Variants in ZXDC observed in about 807,000 individuals in gnomAD.
ZXDC encodes the protein zinc finger protein ZXDC.
In ZXDC, 58 loss-of-function variants were observed where a neutral mutation model predicts 63.6. That is an observed-to-expected ratio of 0.91 (90% confidence interval 0.74 to 1.13). The LOEUF is 1.13. ZXDC is among the 50% of genes most tolerant of loss of function. The pLI, the probability that ZXDC is intolerant of heterozygous loss-of-function variation, is 0.00. For missense variants in ZXDC, 1,133 were observed against 1,148.9 expected (o/e 0.99, Z 0.20); for synonymous variants, 561 against 496.1 (o/e 1.13, Z -1.74).
intron 7 of ZXDC, among the ~76,000 whole-genome samples, chr3:126,456,197 C>T (rs993913379): frequency 2.0e-5 from 3 of 152,232 alleles, no homozygotes; most frequent in African/African-American, 7.2e-5. Flanking sequence ...AGAAACAGGG[C>T]ACTTGCAGTG....
Position 126,438,131 on chromosome 3 carries a change from G to A in ZXDC, c.*244C>T. ...AGGCTGTAGTGCACCTAGCCCTGCT[G>A]AGGGAGACCCTTGCCTTGCCAAAGC... On this transcript the variant is annotated 3_prime_UTR_variant, in exon 10 of 10. Coordinates refer to ENST00000389709, the MANE Select transcript of ZXDC (RefSeq NM_025112.5). 1 of 562,342 alleles carries A rather than the reference G, an allele frequency of 1.8e-6. No homozygotes were observed. 34.8% of individuals were successfully genotyped at this position (562,342 alleles called of 1,614,324 possible). A position where few individuals can be genotyped will look rare whatever the true frequency, so the allele number is the denominator to read the frequency against.
chr3:126,451,279 AC>A (rs1360507724), intron 7 of ZXDC: 1 of 985,306 alleles, frequency 1.0e-6, no homozygotes, highest in African/African-American at 1.7e-5. Flanking sequence ...AGGTAAATGT[AC>A]ACAAAAATTT....
In ZXDC at chr3:126,475,708, G is replaced by T. The variant is rs149963292; in HGVS notation, c.158C>A (p.Ala53Glu). 3.5e-3 allele frequency: 4,441 copies of T among 1,284,022 alleles called. 137 individuals are homozygous for T. In the African/African-American group the frequency reaches 0.062, roughly 18 times the overall value. The allele number at this position is 1,284,022 out of a possible 1,614,324, so 79.5% of individuals were successfully genotyped here. The change falls in exon 1 of 10, where the codon GCG becomes GAG. Residue 53 changes from alanine to glutamate, a missense_variant. By Grantham distance (107) the Ala-to-Glu change is moderately radical. Transcript: ENST00000389709. ...VRGPEDGGPG[A>E]RPGEASGPSP... ...TGGCCCGGAGGCCTCCCCGGGCCGCGCCCCGGGCCCGCCATCTTCAGGGCC... is the reference window on the plus strand; with the variant it reads ...TGGCCCGGAGGCCTCCCCGGGCCGCTCCCCGGGCCCGCCATCTTCAGGGCC...
At chr3:126,438,753 T>C (rs1933558409) in intron 9 of ZXDC, among the ~76,000 whole-genome samples, 1 of 152,232 alleles carries the variant, frequency 6.6e-6, no homozygotes, top group Non-Finnish European at 1.5e-5. Context: ...TCTGCAACCC[T>C]TTCTCCGCAC....
Position 126,471,987 on chromosome 3 carries a change from A to C in ZXDC, c.1125T>G (p.Leu375=). 6.2e-7 allele frequency: 1 copy of C among 1,613,268 alleles called. No individual in the cohort carries two copies. Among genetic ancestry groups the C allele is most frequent in the Non-Finnish European group, 8.5e-7 (1 of 1,179,716 alleles). Residue 375 remains leucine, a synonymous_variant, in exon 3 of 10, where the codon CTT becomes CTG. Coordinates refer to ENST00000389709, the MANE Select transcript of ZXDC (RefSeq NM_025112.5). The part of the protein sequence containing the change: ...CGWTFTSMSK[L]LRHRRKHDDD... Reference sequence around the variant, plus strand: ...GTAAGGATTACCTTCTGTGCCTTAGAAGTTTGGACATGCTGGTGAAGGTCC... The same window carrying C: ...GTAAGGATTACCTTCTGTGCCTTAGCAGTTTGGACATGCTGGTGAAGGTCC...
intron 4 of ZXDC, among the ~76,000 whole-genome samples, chr3:126,469,901 C>G (rs527592546): frequency 6.2e-4 from 94 of 152,350 alleles, no homozygotes; most frequent in Non-Finnish European, 1.0e-3. Flanking sequence ...GAGCTAGGCT[C>G]AGCTTTAAAT....
chr3:126,445,931 A>T (rs552713599), intron 7 of ZXDC, among the ~76,000 whole-genome samples: 1 of 152,302 alleles, frequency 6.6e-6, no homozygotes, highest in East Asian at 1.9e-4. Flanking sequence ...TTATCTAGGG[A>T]TGCTTAAGGA....
At chr3:126,460,799 T>G in intron 6 of ZXDC, 2 of 985,016 alleles carry the variant, frequency 2.0e-6, no homozygotes, top group Non-Finnish European at 2.4e-6. Flanking sequence ...CTGATCCTAC[T>G]GCAAAAGATG....
chr3:126,443,186 C>A (rs886088803), intron 7 of ZXDC: 1 of 152,196 alleles, frequency 6.6e-6, no homozygotes, highest in African/African-American at 2.4e-5. Context: ...AGATTCAGTT[C>A]CCCCTCACTG....
Position 126,461,999 on chromosome 3 carries a change from C to T in ZXDC, c.1663G>A (p.Ala555Thr), listed in dbSNP as rs1238046412. The change falls in exon 6 of 10, where the codon GCT (alanine) becomes ACT (threonine). Residue 555 changes from alanine to threonine, a missense_variant. Ala to Thr is a moderately conservative substitution (Grantham distance 58, BLOSUM62 0). Transcript: ENST00000389709. ...VSSSLGGNLP[A>T]NNSSLGPMEP... is the part of the protein sequence containing the mutation. The stretch of plus-strand genomic sequence containing the variant: ...ATCGGCCCTAGGGAGCTATTATTAG[C>T]AGGGAGGTTCCCTCCCAGAGAGGAG... 2 of 1,613,994 alleles carry T rather than the reference C, an allele frequency of 1.2e-6. No individual in the cohort carries two copies. The highest frequency in any genetic ancestry group is 1.7e-5 in the Admixed American group (1 of 59,994).
chr3:126,474,951 G>A lies in ZXDC; in HGVS notation c.907+8C>T. On this transcript the variant is annotated splice_region_variant and intron_variant, in intron 1 of 9. Transcript: ENST00000389709. ...GCGCAGCCCGCCCGCCCCCGAGAGC[G>A]CGGTTACCGGGAAAGTCACACTTGT... is the stretch of plus-strand genomic sequence containing the variant. 6.4e-7 allele frequency: 1 copy of A among 1,558,052 alleles called. No individual in the cohort carries two copies. Among genetic ancestry groups the A allele is most frequent in the Non-Finnish European group, 8.7e-7 (1 of 1,149,530 alleles).
At chr3:126,457,643 C>T (rs1394937980) in intron 7 of ZXDC, 33 of 985,320 alleles carry the variant, frequency 3.3e-5, no homozygotes, top group Non-Finnish European at 3.4e-5. Flanking sequence ...CAGATTCAAA[C>T]ATCATGAACT....
chr3:126,441,524 G>T, intron 8 of ZXDC: 1 of 1,285,274 alleles, frequency 7.8e-7, no homozygotes, highest in Non-Finnish European at 9.8e-7. Context: ...GGTTCAGGAA[G>T]TGGATGCACG....
rs935970895 is a variant in ZXDC, at chr3:126,441,597, G to A, written c.2394+168C>T. On this transcript the variant is annotated intron_variant, in intron 8 of 9. Coordinates refer to ENST00000389709, the MANE Select transcript of ZXDC (RefSeq NM_025112.5). ...AGGCTGGGAAAAAGGGAGGAGCTGG[G>A]CTGTGAGGAGACAGGACTTGGGGCA... 1.1e-5 allele frequency: 15 copies of A among 1,351,806 alleles called. No individual in the cohort carries two copies. The African/African-American group carries it at 1.5e-4, about 13-fold the overall frequency. The allele number at this position is 1,351,806 out of a possible 1,614,324, so 83.7% of individuals were successfully genotyped here.
intron 8 of ZXDC, chr3:126,440,390 A>G (rs1933631201): frequency 1.0e-6 from 1 of 985,574 alleles, no homozygotes; most frequent in Non-Finnish European, 1.2e-6. Context: ...TTCCCATTTC[A>G]TAGATGACAA....
At chr3:126,442,933 T>TG (rs1933738173) in intron 7 of ZXDC, 1 of 152,206 alleles carries the variant, frequency 6.6e-6, no homozygotes. Context: ...GAGCAGCCCA[T>TG]GGGGTGAGAG....
chr3:126,464,737 T>C (rs1934688838), intron 5 of ZXDC, among the ~76,000 whole-genome samples: 1 of 152,048 alleles, frequency 6.6e-6, no homozygotes, highest in South Asian at 2.1e-4. Context: ...TGATGTAGTC[T>C]CACAGAGCCC....
chr3:126,457,332 A>C (rs1188613287), intron 7 of ZXDC: 1 of 985,328 alleles, frequency 1.0e-6, no homozygotes, highest in Non-Finnish European at 1.2e-6. Context: ...AGCGCTGTGC[A>C]GGAATATGTG....
chr3:126,452,850 C>T (rs1268234391), intron 7 of ZXDC: 7 of 261,150 alleles, frequency 2.7e-5, no homozygotes, highest in South Asian at 1.5e-4. Context: ...GCGATTCTTC[C>T]GCCTCAGTCT....
Sources: allele counts gnomAD v4.1 joint callset (sites outside exome capture counted in the v4.1 genomes callset), GRCh38; gene constraint gnomAD v4.1.1; transcripts MANE v1.5; gene names NCBI Gene and HGNC (gene_info 2026-07-23, HGNC 2026-07-21).